TDRD9: variants seen among roughly 807,000 people sequenced by gnomAD.
TDRD9 encodes the protein tudor domain containing 9.
TDRD9 carries 124 observed loss-of-function variants against 172.6 expected under a neutral mutation model. That is an observed-to-expected ratio of 0.72 (90% CI 0.62 to 0.83). The LOEUF (loss-of-function observed/expected upper bound fraction) is 0.83. Ranked by LOEUF, TDRD9 falls within the 40% of genes least tolerant of loss-of-function variation. The pLI is 0.00. For synonymous variants in TDRD9, 619 were observed against 617.1 expected (o/e 1.00, Z -0.05); for missense variants, 1,479 against 1,714.1 (o/e 0.86, Z 2.42).
intron 24 of TDRD9, 88 bp downstream of exon 24, chr14:104,022,418 C>A: frequency 7.4e-7 from 1 of 1,357,422 alleles, no homozygotes; most frequent in Non-Finnish European, 1.0e-6. Flanking sequence ...TCTGGCATTG[C>A]TTCAGATCAT....
intron 32 of TDRD9, 58 bp from the exon 33 acceptor site, chr14:104,040,137 TA>T: frequency 7.5e-7 from 1 of 1,327,784 alleles, no homozygotes; most frequent in Non-Finnish European, 9.7e-7. Context: ...TTTTACATGC[TA>T]AAACATATAC....
intron 7 of TDRD9, among the ~76,000 whole-genome samples, chr14:103,975,885 C>T (rs1055475847): frequency 2.0e-5 from 3 of 152,120 alleles, no homozygotes; most frequent in African/African-American, 7.2e-5. Context: ...CTGTAGTCAC[C>T]CCACGGTGCT....
chr14:103,963,181 A>T lies in TDRD9; in HGVS notation c.420+5A>T. On this transcript the variant is annotated splice_donor_5th_base_variant and intron_variant, in intron 3 of 35. Transcript: ENST00000409874. ...ATAAGTCGATACAAGGAAGAGGTAA[A>T]ATTGTTTTGTTATACTGTAATTTTG... is the stretch of plus-strand genomic sequence containing the variant. The T allele has an allele frequency of 3.9e-6, 6 of 1,539,232 alleles. No homozygotes were observed. The highest frequency in any genetic ancestry group is 5.3e-6 in the Non-Finnish European group (6 of 1,139,410).
chr14:104,013,168 T>G lies in TDRD9; in HGVS notation c.2107-1557T>G, dbSNP rs190419297. Reference sequence around the variant, plus strand: ...TTTTAGTTGTTATTCCCCCCAGTTATGTTCACACTTGTGACTGTATTCTTT... The same window carrying G: ...TTTTAGTTGTTATTCCCCCCAGTTAGGTTCACACTTGTGACTGTATTCTTT... On this transcript the variant is annotated intron_variant, in intron 20 of 35. Transcript: ENST00000409874. Among the ~76,000 whole-genome samples, 10 of 152,342 alleles carry G rather than the reference T, an allele frequency of 6.6e-5. No homozygotes were observed. The East Asian group carries it at 1.9e-3, about 29-fold the overall frequency.
At chr14:103,971,702 G>A (rs775343773) in intron 6 of TDRD9, among the ~76,000 whole-genome samples, 5 of 152,146 alleles carry the variant, frequency 3.3e-5, no homozygotes, top group Admixed American at 6.5e-5. Flanking sequence ...CCAACTAAGG[G>A]GCATTCTTTT....
intron 32 of TDRD9, 47 bp downstream of exon 32, chr14:104,035,103 G>A (rs1684814787): frequency 1.3e-6 from 2 of 1,494,704 alleles, no homozygotes; most frequent in African/African-American, 1.4e-5. Flanking sequence ...TAAGAACCTG[G>A]GCGGGAAAAA....
At chr14:103,987,614 A>G (rs1180955878) in intron 8 of TDRD9, among the ~76,000 whole-genome samples, 1 of 152,144 alleles carries the variant, frequency 6.6e-6, no homozygotes, top group Non-Finnish European at 1.5e-5. Flanking sequence ...GTTGGAGAAC[A>G]TATTTTATAT....
At chr14:103,932,020 A>G (rs1052994570) in intron 1 of TDRD9, among the ~76,000 whole-genome samples, 3 of 152,144 alleles carry the variant, frequency 2.0e-5, no homozygotes, top group African/African-American at 7.2e-5. Context: ...TGATCCTACA[A>G]TTGCAAGGGC....
At chr14:103,993,193 A>G (rs1032056102) in intron 9 of TDRD9, among the ~76,000 whole-genome samples, 3 of 151,422 alleles carry the variant, frequency 2.0e-5, no homozygotes, top group African/African-American at 7.3e-5. Flanking sequence ...TGCACAGGCT[A>G]GTCTCGAACT....
intron 2 of TDRD9, among the ~76,000 whole-genome samples, chr14:103,960,469 T>A (rs1348432119): frequency 6.6e-6 from 1 of 152,266 alleles, no homozygotes; most frequent in Admixed American, 6.5e-5. Flanking sequence ...TAGTCAATTT[T>A]AAGGTTGAGC....
At chr14:103,967,412 C>G (rs1258680800) in intron 5 of TDRD9, among the ~76,000 whole-genome samples, 2 of 147,936 alleles carry the variant, frequency 1.4e-5, no homozygotes, top group African/African-American at 5.0e-5. Context: ...ATAGTCCCAG[C>G]TACTTGAGAG....
intron 26 of TDRD9, 123 bp from the exon 27 acceptor site, chr14:104,025,924 A>C: frequency 1.0e-6 from 1 of 973,018 alleles, no homozygotes; most frequent in Non-Finnish European, 1.6e-6. Context: ...ATGTGGATTT[A>C]AGCTCAGGTC....
At chr14:103,996,309 C>A (rs1021268247) in intron 12 of TDRD9, among the ~76,000 whole-genome samples, 1 of 152,196 alleles carries the variant, frequency 6.6e-6, no homozygotes, top group South Asian at 2.1e-4. Flanking sequence ...GGGCACTGTT[C>A]TCAGTGCTGG....
intron 29 of TDRD9, 149 bp from the exon 30 acceptor site, chr14:104,031,868 G>A: frequency 1.9e-6 from 1 of 520,890 alleles, no homozygotes; most frequent in Non-Finnish European, 3.3e-6. Flanking sequence ...CTTCTTTAAG[G>A]CACTTTTTCT....
intron 12 of TDRD9, 59 bp from the exon 13 acceptor site, chr14:103,998,565 T>C (rs2034139733): frequency 3.2e-6 from 3 of 931,638 alleles, no homozygotes; most frequent in Non-Finnish European, 5.2e-6. Context: ...GCATTGTGAT[T>C]TATTATGCAA....
At chr14:103,952,216 ATATATTTTTTTTTTTTTTTTTTT>A (rs1689610759) in intron 1 of TDRD9, among the ~76,000 whole-genome samples, 1 of 49,914 alleles carries the variant, frequency 2.0e-5, no homozygotes, top group South Asian at 7.3e-4. Context: ...ATATATATAT[ATATATTTTTTTTTTTTTTTTTTT>A]TTTTTTTTTT....
chr14:104,020,988 T>G (rs2034937898), intron 23 of TDRD9, among the ~76,000 whole-genome samples: 1 of 152,030 alleles, frequency 6.6e-6, no homozygotes, highest in South Asian at 2.1e-4. Flanking sequence ...TTACTTGGTG[T>G]TTTATTCTGT....
chr14:103,998,311 G>A (rs1016199655), intron 12 of TDRD9, among the ~76,000 whole-genome samples: 1 of 152,070 alleles, frequency 6.6e-6, no homozygotes, highest in African/African-American at 2.4e-5. Flanking sequence ...CTTCTGTACT[G>A]CTGTTGTAAT....
chr14:103,966,671 T>C, intron 4 of TDRD9, 38 bp from the exon 5 acceptor site: 5 of 1,481,902 alleles, frequency 3.4e-6, no homozygotes, highest in Non-Finnish European at 4.5e-6. Flanking sequence ...ACTTTTTTTT[T>C]CTCTTTTTTC....
Sources: gnomAD v4.1 joint callset for allele counts (sites outside exome capture counted in the v4.1 genomes callset) on GRCh38, gnomAD v4.1.1 for gene constraint, MANE v1.5 for transcripts, NCBI Gene and HGNC (gene_info 2026-07-23, HGNC 2026-07-21) for gene names.